USP40: variants seen among roughly 807,000 people sequenced by gnomAD.
USP40 encodes the protein ubiquitin specific peptidase 40, also known as ubiquitin carboxyl-terminal hydrolase 40.
In USP40, 143 loss-of-function variants were observed where a neutral mutation model predicts 166.2. The ratio of observed to expected loss-of-function variants is 0.86; its 90% CI spans 0.75 to 0.99. The LOEUF (loss-of-function observed/expected upper bound fraction) is 0.99, where lower values mean the gene tolerates loss of function less well. Ranked by LOEUF, USP40 falls within the 50% of genes least tolerant of loss-of-function variation. USP40 has a pLI of 0.00. For synonymous variants in USP40, 498 were observed against 524.0 expected (o/e 0.95, Z 0.68); for missense variants, 1,444 against 1,479.7 (o/e 0.98, Z 0.40).
rs148095295 is a variant in USP40 at position 233,521,057 on chromosome 2, G to A, written c.2259C>T (p.His753=). The A allele has an allele frequency of 7.7e-4, 1,235 of 1,613,184 alleles. 14 individuals carry two copies. In the African/African-American group the frequency reaches 0.015, roughly 19 times the overall value. Residue 753 remains histidine (H), a synonymous_variant, in exon 17 of 32, where the codon CAC becomes CAT. Coordinates refer to ENST00000678225, the MANE Select transcript of USP40 (RefSeq NM_001365479.2). ...ATTCTAACTGGCATAAATTTTTAAC[G>A]TGGAGCCAGTCAATCTCATTCATAC... ...VTSMNEIDWL[H]VKNLCQLESE...
In USP40 at chr2:233,481,202, C is replaced by G. The variant is rs2064564374; in HGVS notation, c.3599+1G>C. 1 of 1,599,514 alleles carries G rather than the reference C, an allele frequency of 6.3e-7. No homozygotes were observed. Among genetic ancestry groups the G allele is most frequent in the Non-Finnish European group, 8.5e-7 (1 of 1,171,872 alleles). On this transcript the variant is annotated splice_donor_variant, in intron 31 of 31. Coordinates refer to ENST00000678225, the MANE Select transcript of USP40 (RefSeq NM_001365479.2). LOFTEE classifies it high-confidence loss of function. ...ACATCTGTGCAGACCCCAGCAATTACCTTTTCCTTCTCCCCAGGGCCCGTT... is the reference window on the plus strand; with the variant it reads ...ACATCTGTGCAGACCCCAGCAATTAGCTTTTCCTTCTCCCCAGGGCCCGTT...
rs201200560 is a variant in USP40 at position 233,501,220 on chromosome 2, TAGAG to T, written c.2614-1309_2614-1306del. On this transcript the variant is annotated intron_variant, in intron 21 of 31. Coordinates refer to ENST00000678225, the MANE Select transcript of USP40 (RefSeq NM_001365479.2). ...TTAATTGTGTTTTAGGAAGGGGAAA[TAGAG>T]AGCATAAAAGCCTTATTTCAGAAAC... Among the ~76,000 whole-genome samples the T allele has an allele frequency of 3.3e-4, 50 of 152,036 alleles. No individual in the cohort carries two copies. The South Asian group carries it at 8.5e-3, about 26-fold the overall frequency.
At chr2:233,505,362 GAACT>G (rs1370911813) in intron 21 of USP40, among the ~76,000 whole-genome samples, 5 of 151,850 alleles carry the variant, frequency 3.3e-5, no homozygotes, top group Non-Finnish European at 7.4e-5. Flanking sequence ...AACAAAATAG[GAACT>G]AACAAAACAA....
chr2:233,530,992 G>A (rs1184383217), intron 11 of USP40, among the ~76,000 whole-genome samples: 3 of 151,836 alleles, frequency 2.0e-5, no homozygotes, highest in Non-Finnish European at 2.9e-5. Flanking sequence ...CACATTTTAC[G>A]ATTCCTTTTT....
chr2:233,507,476 A>C (rs937619152), intron 21 of USP40, among the ~76,000 whole-genome samples: 1 of 152,354 alleles, frequency 6.6e-6, no homozygotes, highest in Non-Finnish European at 1.5e-5. Flanking sequence ...TATACACAAC[A>C]GGGTACTATT....
intron 13 of USP40, among the ~76,000 whole-genome samples, chr2:233,525,951 CT>C (rs2067995054): frequency 3.3e-5 from 5 of 152,330 alleles, no homozygotes; most frequent in Non-Finnish European, 5.9e-5. Context: ...GTAGCCCTGA[CT>C]CTAGCACACA....
chr2:233,542,634 C>T (rs183975936), intron 8 of USP40: 440 of 289,168 alleles, frequency 1.5e-3, no homozygotes, highest in African/African-American at 9.1e-3. Context: ...GCCGTGATTG[C>T]GCCACTGCAC....
intron 5 of USP40, among the ~76,000 whole-genome samples, chr2:233,556,344 G>C (rs2071095927): frequency 6.6e-6 from 1 of 151,642 alleles, no homozygotes; most frequent in Non-Finnish European, 1.5e-5. Context: ...AAGAACTGAA[G>C]GTTATACTAA....
chr2:233,557,225 G>T (rs79519439), intron 4 of USP40, among the ~76,000 whole-genome samples: 1,557 of 152,302 alleles, frequency 0.01, 28 homozygotes, highest in African/African-American at 0.035. Flanking sequence ...TGAACAGGCT[G>T]GGTTCAGTGT....
rs372624319 is a variant in USP40 at position 233,498,588 on chromosome 2, A to G, written c.2675T>C (p.Met892Thr). 18 of 1,613,406 alleles carry G rather than the reference A, an allele frequency of 1.1e-5. No homozygotes were observed. The highest frequency in any genetic ancestry group is 1.4e-5 in the Non-Finnish European group (17 of 1,179,594). Reference protein sequence around the residue: ...LQGDAWHLRKMDWCYEAGEPL... With the variant: ...LQGDAWHLRKTDWCYEAGEPL... ...CTCTCCAGCTTCATAGCACCAATCC[A>G]TTTTTCGTAAATGCCAGGCATCTCC... The change falls in exon 23 of 32, where the codon ATG becomes ACG. Residue 892 changes from methionine to threonine, a missense_variant. Met to Thr is a moderately conservative substitution (Grantham distance 81). Coordinates refer to ENST00000678225, the MANE Select transcript of USP40 (RefSeq NM_001365479.2).
intron 31 of USP40, among the ~76,000 whole-genome samples, chr2:233,479,757 A>G (rs2064442580): frequency 6.6e-6 from 1 of 151,854 alleles, no homozygotes; most frequent in Non-Finnish European, 1.5e-5. Flanking sequence ...AGGGCTGCAG[A>G]GCTGCGAATG....
intron 6 of USP40, among the ~76,000 whole-genome samples, chr2:233,553,939 G>C (rs1021542831): frequency 1.3e-5 from 2 of 152,216 alleles, no homozygotes; most frequent in African/African-American, 4.8e-5. Context: ...CCACCTGGGG[G>C]AGGAGGTAAG....
rs1486105903 is a variant in USP40 at position 233,480,997 on chromosome 2, TCA to T, written c.3599+204_3599+205del. On this transcript the variant is annotated intron_variant, in intron 31 of 31. Transcript: ENST00000678225. This position sits in a 1 kb window ranked among gnomAD's most constrained non-coding sequence, Gnocchi z 4.5. The stretch of plus-strand genomic sequence containing the variant: ...CGTGCCTCTGCAGTTCACGTGGACT[TCA>T]CCTGTTCCACAGAAAGCTCCAGGAG... 1.3e-5 allele frequency among the ~76,000 whole-genome samples: 2 copies of T among 152,094 alleles called. No individual in the cohort carries two copies. Among genetic ancestry groups the T allele is most frequent in the African/African-American group, 4.8e-5 (2 of 41,410 alleles).
In USP40 at chr2:233,540,728, T is replaced by C. The variant is rs1366950303; in HGVS notation, c.1104A>G (p.Lys368=). 1 of 1,613,488 alleles carries C rather than the reference T, an allele frequency of 6.2e-7. No homozygotes were observed. The highest frequency in any genetic ancestry group is 1.3e-5 in the African/African-American group (1 of 74,906). Residue 368 remains lysine (K), a synonymous_variant, in exon 10 of 32, where the codon AAA becomes AAG. Transcript: ENST00000678225. Reference sequence around the variant, plus strand: ...AAGATATTCCTATCTTTTTCAAAAGTTTCTGGCCCAGCTGATCAACAGGAA... The same window carrying C: ...AAGATATTCCTATCTTTTTCAAAAGCTTCTGGCCCAGCTGATCAACAGGAA... ...NLIPVDQLGQ[K]LLKKIGISWN... is the part of the protein sequence containing the mutation.
rs1288115466 is a variant in USP40, at chr2:233,540,964, G to T, written c.1063-195C>A. ...GTTAAGCCTCAGTTGAGAAAACTTGGATTTTTGCCATTTTCCATGTGCCAT... is the reference window on the plus strand; with the variant it reads ...GTTAAGCCTCAGTTGAGAAAACTTGTATTTTTGCCATTTTCCATGTGCCAT... On this transcript the variant is annotated intron_variant, in intron 9 of 31. Transcript: ENST00000678225. 5.9e-5 allele frequency among the ~76,000 whole-genome samples: 9 copies of T among 152,270 alleles called. No individual in the cohort carries two copies. In the East Asian group the frequency reaches 1.7e-3, roughly 29 times the overall value.
At chr2:233,481,147 G>A in intron 31 of USP40, 56 bp downstream of exon 31, 1 of 1,475,320 alleles carries the variant, frequency 6.8e-7, no homozygotes, top group Non-Finnish European at 9.2e-7. Context: ...GCAGGAATAA[G>A]AGAGAGTCAG....
At chr2:233,548,825 T>C (rs1287611886) in intron 8 of USP40, among the ~76,000 whole-genome samples, 3 of 152,138 alleles carry the variant, frequency 2.0e-5, no homozygotes, top group African/African-American at 7.2e-5. Flanking sequence ...TGTGTGTCTG[T>C]GTATGCACAT....
At chr2:233,500,844 C>T (rs2066030877) in intron 21 of USP40, among the ~76,000 whole-genome samples, 1 of 152,144 alleles carries the variant, frequency 6.6e-6, no homozygotes, top group South Asian at 2.1e-4. Context: ...TATATAGACA[C>T]ATGCTGGTAT....
intron 31 of USP40, among the ~76,000 whole-genome samples, chr2:233,479,824 A>G (rs968628637): frequency 2.6e-5 from 4 of 151,960 alleles, no homozygotes; most frequent in Non-Finnish European, 2.9e-5. Flanking sequence ...GCCCTTAGGG[A>G]GTCAGCAAAG....
Sources: allele counts gnomAD v4.1 joint callset (sites outside exome capture counted in the v4.1 genomes callset), GRCh38; gene constraint gnomAD v4.1.1; non-coding constraint Gnocchi (gnomAD v3.1); transcripts MANE v1.5; gene names NCBI Gene and HGNC (gene_info 2026-07-23, HGNC 2026-07-21).